Variants in PHC2 observed in about 807,000 individuals in gnomAD.
PHC2 encodes polyhomeotic homolog 2, also known as polyhomeotic-like protein 2.
A neutral mutation model predicts 87.4 loss-of-function variants in PHC2; 29 were observed. The observed-to-expected ratio is 0.33, with a 90% CI of 0.25 to 0.45. PHC2 has a LOEUF of 0.45. Ranked by LOEUF, PHC2 falls within the 20% of genes least tolerant of loss-of-function variation. PHC2 has a pLI of 1.00. For synonymous variants in PHC2, 438 were observed against 461.7 expected (o/e 0.95, Z 0.66); for missense variants, 857 against 1,136.7 (o/e 0.75, Z 3.54).
At chr1:33,338,969 C>T (rs1037649459) in intron 9 of PHC2, among the ~76,000 whole-genome samples, 5 of 152,198 alleles carry the variant, frequency 3.3e-5, no homozygotes, top group African/African-American at 7.2e-5. Context: ...GCATGTTCCA[C>T]GGAGTCTTGC....
In PHC2 at chr1:33,355,071, G is replaced by A; in HGVS notation, c.1159C>T (p.Leu387Phe). The A allele has an allele frequency of 1.2e-6, 2 of 1,613,068 alleles. No homozygotes were observed. The highest frequency in any genetic ancestry group is 1.7e-6 in the Non-Finnish European group (2 of 1,179,684). ...QLASVSPSVA[L>F]QPSSEAHAMP... is the part of the protein sequence containing the mutation. Reference sequence around the variant, plus strand: ...GCATGGGCCTCTGAGCTGGGCTGGAGGGCCACGCTTGGAGAGACTGAGGCG... The same window carrying A: ...GCATGGGCCTCTGAGCTGGGCTGGAAGGCCACGCTTGGAGAGACTGAGGCG... The change falls in exon 8 of 15, where the codon CTC becomes TTC. Residue 387 changes from leucine (L) to phenylalanine (F), a missense_variant. Coordinates refer to ENST00000683057, the MANE Select transcript of PHC2 (RefSeq NM_001385109.1).
At chr1:33,416,315 C>T (rs1650201541) in intron 1 of PHC2, among the ~76,000 whole-genome samples, 1 of 151,804 alleles carries the variant, frequency 6.6e-6, no homozygotes, top group Non-Finnish European at 1.5e-5. Context: ...CGCCTGTAAT[C>T]CTAGCACTTT....
intron 3 of PHC2, among the ~76,000 whole-genome samples, 174 bp from the exon 4 acceptor site, chr1:33,371,268 T>C (rs1489270730): frequency 1.3e-5 from 2 of 152,162 alleles, no homozygotes; most frequent in Non-Finnish European, 2.9e-5. Flanking sequence ...CCTCTGTGAA[T>C]AGGTGAGGAT....
rs548586801 is a variant in PHC2 at position 33,414,583 on chromosome 1, T to C, written c.-55+16393A>G. 2.6e-5 allele frequency among the ~76,000 whole-genome samples: 4 copies of C among 152,310 alleles called. No homozygotes were observed. The East Asian group carries it at 7.7e-4, about 29-fold the overall frequency. On this transcript the variant is annotated intron_variant, in intron 1 of 14. Transcript: ENST00000683057. ...CCAAGATTCAGTAACTGGTTACAGC[T>C]CTGTACAACCATGGATCTGCAGTAA...
At chr1:33,336,494 A>AAGTT (rs1646639797) in intron 9 of PHC2, 2 of 152,202 alleles carry the variant, frequency 1.3e-5, no homozygotes, top group African/African-American at 4.8e-5. Flanking sequence ...TTATACCAGT[A>AAGTT]AGTTAGAAAG....
At chr1:33,376,034 C>A (rs780529613) in intron 1 of PHC2, among the ~76,000 whole-genome samples, 1 of 152,164 alleles carries the variant, frequency 6.6e-6, no homozygotes, top group African/African-American at 2.4e-5. Flanking sequence ...CACTTGGGAA[C>A]TGAGGTCTCT....
In PHC2 at chr1:33,331,451, C is replaced by T; in HGVS notation, c.1903G>A (p.Glu635Lys). The change falls in exon 12 of 15, where the codon GAG (glutamate) becomes AAG (lysine). Residue 635 changes from glutamate (E) to lysine (K), a missense_variant. Physicochemically the swap from Glu to Lys is moderately conservative, Grantham distance 56 (BLOSUM62 1). Around this residue, in one of 3 missense-constraint regions of PHC2, gnomAD observed 832 missense variants for 1,081.8 expected, o/e 0.77. Coordinates refer to ENST00000683057, the MANE Select transcript of PHC2 (RefSeq NM_001385109.1). The surrounding 1 kb of genome is among the most constrained non-coding windows in gnomAD (Gnocchi z 5.2). ...CACTTGAGTTTGAGGGGAGCACCCT[C>T]CTCTTTGGATTCTGAAAAGTATAGA... Reference protein sequence around the residue: ...EEPYLQESKEEGAPLKLKCEL... With the variant: ...EEPYLQESKEKGAPLKLKCEL... 1 of 1,599,240 alleles carries T rather than the reference C, an allele frequency of 6.3e-7. No individual in the cohort carries two copies. The highest frequency in any genetic ancestry group is 1.3e-5 in the African/African-American group (1 of 74,716).
At position 33,354,465 on chromosome 1, in the gene PHC2, G is replaced by T; in HGVS notation, c.1494C>A (p.Val498=). Reference sequence around the variant, plus strand: ...CAGGCAGGCCACCAGGCATGGCAGTGACAATAGCCTGCTGATGTGGTGATG... The same window carrying T: ...CAGGCAGGCCACCAGGCATGGCAGTTACAATAGCCTGCTGATGTGGTGATG... The part of the protein sequence containing the change: ...SGPSPHQQAI[V]TAMPGGLPVP... Residue 498 remains valine (V), a synonymous_variant, in exon 9 of 15, where the codon GTC becomes GTA. Coordinates refer to ENST00000683057, the MANE Select transcript of PHC2 (RefSeq NM_001385109.1). The T allele has an allele frequency of 6.2e-7, 1 of 1,614,120 alleles. No individual in the cohort carries two copies.
chr1:33,354,797 C>T (rs761103683), intron 8 of PHC2, 41 bp downstream of exon 8: 5 of 1,587,232 alleles, frequency 3.2e-6, no homozygotes, highest in Non-Finnish European at 8.6e-7. Flanking sequence ...GAGCTGTGGC[C>T]ACCCCGTGTG....
chr1:33,360,472 G>T (rs1236241149), intron 7 of PHC2, among the ~76,000 whole-genome samples: 1 of 150,016 alleles, frequency 6.7e-6, no homozygotes, highest in Non-Finnish European at 1.5e-5. Flanking sequence ...GATAGGCTGT[G>T]CAATCTTAGA....
intron 1 of PHC2, among the ~76,000 whole-genome samples, chr1:33,396,504 T>G (rs192205571): frequency 6.6e-6 from 1 of 152,326 alleles, no homozygotes; most frequent in African/African-American, 2.4e-5. Context: ...GCCTTGGATA[T>G]CATATTGATT....
At chr1:33,371,245 A>G in intron 3 of PHC2, 151 bp from the exon 4 acceptor site, 1 of 660,118 alleles carries the variant, frequency 1.5e-6, no homozygotes, top group South Asian at 1.7e-5. Flanking sequence ...GGCCCACAGC[A>G]AGTATCCCGC....
At chr1:33,400,704 T>C (rs188583986) in intron 1 of PHC2, among the ~76,000 whole-genome samples, 14 of 152,262 alleles carry the variant, frequency 9.2e-5, no homozygotes, top group African/African-American at 2.6e-4. Context: ...CACATTCACA[T>C]CCACATCTAT....
chr1:33,407,734 A>G (rs548012754), intron 1 of PHC2, among the ~76,000 whole-genome samples: 2 of 152,368 alleles, frequency 1.3e-5, no homozygotes, highest in East Asian at 1.9e-4. Flanking sequence ...AGAGAGAGGT[A>G]TTTTTAAAAT....
intron 9 of PHC2, chr1:33,345,910 C>CA (rs1423937092): frequency 1.0e-6 from 1 of 985,090 alleles, no homozygotes; most frequent in Non-Finnish European, 1.2e-6. Context: ...GTCATTGCTT[C>CA]AAGTGAAGCC....
intron 9 of PHC2, among the ~76,000 whole-genome samples, chr1:33,350,099 C>T (rs984722061): frequency 1.3e-5 from 2 of 151,790 alleles, no homozygotes; most frequent in African/African-American, 4.8e-5. Context: ...CGCCACGCCA[C>T]GAGGAGGCTG....
chr1:33,406,615 A>G (rs1649774705), intron 1 of PHC2, among the ~76,000 whole-genome samples: 1 of 152,186 alleles, frequency 6.6e-6, no homozygotes, highest in Admixed American at 6.5e-5. Flanking sequence ...ATCCAGTATG[A>G]CAATCTTTGT....
chr1:33,324,825 G>A lies in PHC2; in HGVS notation c.*40C>T. 2 of 1,587,188 alleles carry A rather than the reference G, an allele frequency of 1.3e-6. No homozygotes were observed. The highest frequency in any genetic ancestry group is 2.3e-5 in the South Asian group (2 of 87,634). ...TGTCTGTCTGGCTCTGCTCAGTCGGGAGGAGGCGCCCTGGGCCAGAATCCT... is the reference window on the plus strand; with the variant it reads ...TGTCTGTCTGGCTCTGCTCAGTCGGAAGGAGGCGCCCTGGGCCAGAATCCT... On this transcript the variant is annotated 3_prime_UTR_variant, in exon 15 of 15. Transcript: ENST00000683057.
chr1:33,329,996 C>T (rs540517832), intron 13 of PHC2, 75 bp downstream of exon 13: 37 of 1,526,684 alleles, frequency 2.4e-5, no homozygotes, highest in African/African-American at 2.3e-4. Flanking sequence ...TGGAGGGGAC[C>T]GTGGTGTCGA....
Sources: allele counts gnomAD v4.1 joint callset (sites outside exome capture counted in the v4.1 genomes callset), GRCh38; gene constraint gnomAD v4.1.1; regional missense constraint gnomAD v4.1.1; non-coding constraint Gnocchi (gnomAD v3.1); transcripts MANE v1.5; gene names NCBI Gene and HGNC (gene_info 2026-07-23, HGNC 2026-07-21).